Variants in TTN observed in about 807,000 individuals in gnomAD.
TTN encodes the protein titin.
Under a neutral mutation model 3,223.0 loss-of-function variants are expected in TTN, and 1,525 were observed. The observed-to-expected ratio is 0.47, with a 90% confidence interval of 0.45 to 0.49. The LOEUF (loss-of-function observed/expected upper bound fraction) is 0.49, where lower values mean the gene tolerates loss of function less well. Ranked by LOEUF, TTN falls within the 20% of genes least tolerant of loss-of-function variation. TTN has a pLI of 0.00. For missense variants in TTN, 40,786 were observed against 43,424.0 expected, an observed-to-expected ratio of 0.94 and a Z score of 5.40; for synonymous variants, 14,094 against 15,161.0, an observed-to-expected ratio of 0.93 and a Z score of 5.17.
intron 213 of TTN, among the ~76,000 whole-genome samples, chr2:178,647,998 T>C (rs1449293479): frequency 2.0e-5 from 3 of 152,082 alleles, no homozygotes; most frequent in Non-Finnish European, 4.4e-5. Flanking sequence ...TAAGTCTCCA[T>C]CTCTTTCAAA....
At chr2:178,605,330 G>C in intron 279 of TTN, 35 bp from the exon 280 acceptor site, 1 of 1,536,052 alleles carries the variant, frequency 6.5e-7, no homozygotes, top group Non-Finnish European at 8.7e-7. Flanking sequence ...CAGTAACAAA[G>C]TCATAAGGAT....
Position 178,607,420 on chromosome 2 carries a change from T to C in TTN, c.53268A>G (p.Ala17756=), listed in dbSNP as rs1325583009. 1.2e-6 allele frequency: 2 copies of C among 1,613,030 alleles called. No homozygotes were observed. The highest frequency in any genetic ancestry group is 1.7e-6 in the Non-Finnish European group (2 of 1,179,376). Residue 17756 remains alanine (A), a synonymous_variant, in exon 277 of 363, where the codon GCA becomes GCG. Transcript: ENST00000589042. ...ATNSCGSKFA[A]ARVEVFDVPG... ...CCTTACCAAAAACTTCTACCCTGGC[T>C]GCTGCAAATTTGGAACCACAGCTAT...
rs753951400 is a variant in TTN, at chr2:178,685,253, C to A, written c.32470G>T (p.Val10824Phe). Residue 10824 changes from valine (V) to phenylalanine (F), a missense_variant and splice_region_variant, in exon 129 of 363, where the codon GTT becomes TTT. Val to Phe is a conservative substitution (Grantham distance 50). Coordinates refer to ENST00000589042, the MANE Select transcript of TTN (RefSeq NM_001267550.2). ...TGCATTTCTTTGAAAGAAATCATACCTTTAGCCGGTGGAGGCTCCTCTATT... is the reference window on the plus strand; with the variant it reads ...TGCATTTCTTTGAAAGAAATCATACATTTAGCCGGTGGAGGCTCCTCTATT... Reference protein sequence around the residue: ...AKIEEPPPAKVPEAPKKIVPE... With the variant: ...AKIEEPPPAKFPEAPKKIVPE... The A allele has an allele frequency of 6.5e-6, 10 of 1,543,180 alleles. No homozygotes were observed. The Admixed American group carries it at 2.0e-4, about 31-fold the overall frequency.
At position 178,741,101 on chromosome 2, in the gene TTN, G is replaced by A. The variant is rs1309972074; in HGVS notation, c.12132C>T (p.Ser4044=). ...DMTDTPCKAK[S]TPEAPEDFPQ... ...GAAAATCCTCAGGAGCCTCTGGTGT[G>A]GACTTTGCTTTGCAGGGGGTATCAG... Residue 4044 remains serine (S), a synonymous_variant, in exon 48 of 363, where the codon TCC becomes TCT. Transcript: ENST00000589042. The A allele has an allele frequency of 3.1e-6, 5 of 1,613,812 alleles. No individual in the cohort carries two copies. The highest frequency in any genetic ancestry group is 4.2e-6 in the Non-Finnish European group (5 of 1,179,824).
intron 216 of TTN, 74 bp from the exon 217 acceptor site, chr2:178,646,104 T>TTTTATATATATATATATATATATATA (rs1188641505): frequency 2.7e-5 from 1 of 37,646 alleles, no homozygotes; most frequent in Admixed American, 4.6e-4. Flanking sequence ...TTAATAGAAA[T>TTTTATATATATATATATATATATATA]TATATATATA....
chr2:178,679,585 G>A lies in TTN; in HGVS notation c.33664+14C>T. ...TGAAGTCTCTTAGATACCCGTCAAT[G>A]AATGGTGGTGTACCTTTTGCCGGTG... On this transcript the variant is annotated intron_variant, in intron 141 of 362. Transcript: ENST00000589042. 1 of 1,607,710 alleles carries A rather than the reference G, an allele frequency of 6.2e-7. No homozygotes were observed. The highest frequency in any genetic ancestry group is 1.1e-5 in the South Asian group (1 of 89,462).
Position 178,684,739 on chromosome 2 carries a change from C to T in TTN, c.32565G>A (p.Glu10855=), listed in dbSNP as rs2070381643. Residue 10855 remains glutamate, a synonymous_variant, in exon 131 of 363, where the codon GAG becomes GAA. Coordinates refer to ENST00000589042, the MANE Select transcript of TTN (RefSeq NM_001267550.2). ...TTTTTTCTGGAACTGGTTTCTTTGG[C>T]TCTTCTGGCACTTAAAAGATACCAG... is the stretch of plus-strand genomic sequence containing the variant. ...EKVPPPKVPE[E]PKKPVPEKKV... is the part of the protein sequence containing the mutation. The T allele has an allele frequency of 1.2e-6, 2 of 1,613,344 alleles. No homozygotes were observed. The highest frequency in any genetic ancestry group is 1.7e-4 in the Middle Eastern group (1 of 6,060).
chr2:178,540,153 G>A lies in TTN; in HGVS notation c.98013C>T (p.Tyr32671=), dbSNP rs751799787. The change falls in exon 351 of 363, where the codon TAC becomes TAT. Residue 32671 remains tyrosine (Y), a synonymous_variant. Transcript: ENST00000589042. ...TLTHLPQGAE[Y]RFRVLACNAG... ...CATTACAAGCTAGGACGCGGAACCTGTATTCTGCACCCTGAGGTAGGTGTG... is the reference window on the plus strand; with the variant it reads ...CATTACAAGCTAGGACGCGGAACCTATATTCTGCACCCTGAGGTAGGTGTG... The A allele has an allele frequency of 1.2e-6, 2 of 1,613,792 alleles. No individual in the cohort carries two copies. Among genetic ancestry groups the A allele is most frequent in the Non-Finnish European group, 1.7e-6 (2 of 1,179,738 alleles).
rs758746632 is a variant in TTN, at chr2:178,678,747, C to T, written c.33826G>A (p.Val11276Met). Residue 11276 changes from valine to methionine, a missense_variant and splice_region_variant, in exon 143 of 363, where the codon GTG becomes ATG. By Grantham distance (21) the Val-to-Met change is conservative. Transcript: ENST00000589042. ...ATTGCAACATTGCAAGTTCATGTAC[C>T]TTTGGCAGGTGGAGCTTCCACCTTT... ...PKKVEAPPAK[V>M]PEVPKKPVPE... 2 of 1,600,364 alleles carry T rather than the reference C, an allele frequency of 1.2e-6. No individual in the cohort carries two copies. Among genetic ancestry groups the T allele is most frequent in the Non-Finnish European group, 1.7e-6 (2 of 1,175,416 alleles).
chr2:178,595,400 G>C, intron 295 of TTN, 107 bp downstream of exon 295: 1 of 1,089,138 alleles, frequency 9.2e-7, no homozygotes, highest in African/African-American at 1.6e-5. Flanking sequence ...ATAACTGCTT[G>C]TCAAGTGAAT....
Position 178,562,739 on chromosome 2 carries a change from A to G in TTN, c.83393T>C (p.Ile27798Thr). The change falls in exon 326 of 363, where the codon ATT (isoleucine) becomes ACT (threonine). Residue 27798 changes from isoleucine to threonine, a missense_variant. Coordinates refer to ENST00000589042, the MANE Select transcript of TTN (RefSeq NM_001267550.2). ...TCGTTTTTCGACAATGTAGTTTGTA[A>G]TCTTAGCTCCACCATCAATAAGTGG... ...EPPLIDGGAK[I>T]TNYIVEKRET... The G allele has an allele frequency of 6.2e-7, 1 of 1,610,206 alleles. No individual in the cohort carries two copies. The highest frequency in any genetic ancestry group is 8.5e-7 in the Non-Finnish European group (1 of 1,177,908).
chr2:178,780,297 G>C, intron 21 of TTN, 92 bp from the exon 22 acceptor site: 1 of 1,244,098 alleles, frequency 8.0e-7, no homozygotes. Context: ...ACTGGGGAAA[G>C]TTGATAACCA....
rs1278433479 is a variant in TTN, at chr2:178,707,811, G to T, written c.28756C>A (p.Pro9586Thr). 6.3e-7 allele frequency: 1 copy of T among 1,575,938 alleles called. No individual in the cohort carries two copies. Among genetic ancestry groups the T allele is most frequent in the Non-Finnish European group, 8.6e-7 (1 of 1,158,370 alleles). ...LCTSSIVIKE[P>T]KKPPVFDQHL... ...TGATCAAATACAGGTGGCTTCTTAG[G>T]TTCTGGAATTGAAAAGGTATTTTCA... The change falls in exon 100 of 363, where the codon CCT (proline) becomes ACT (threonine). Residue 9586 changes from proline to threonine, a missense_variant and splice_region_variant. By Grantham distance (38) the Pro-to-Thr change is conservative. Coordinates refer to ENST00000589042, the MANE Select transcript of TTN (RefSeq NM_001267550.2).
intron 121 of TTN, among the ~76,000 whole-genome samples, chr2:178,690,999 A>G (rs560434061): frequency 1.3e-5 from 2 of 152,256 alleles, no homozygotes; most frequent in South Asian, 4.1e-4. Flanking sequence ...AATGGATTTA[A>G]TTTATCTAAG....
Position 178,663,885 on chromosome 2 carries a change from C to G in TTN, c.36382G>C (p.Glu12128Gln). Residue 12128 changes from glutamate to glutamine, a missense_variant, in exon 170 of 363, where the codon GAG becomes CAG. Glu to Gln is a conservative substitution (Grantham distance 29). Coordinates refer to ENST00000589042, the MANE Select transcript of TTN (RefSeq NM_001267550.2). ...PPVKVPEASK[E>Q]VIREEKVPLA... Reference sequence around the variant, plus strand: ...GGCACTTTCTCTTCGCGGATAACCTCTTTGGAAGCTTCTGGCACTTGAAAG... The same window carrying G: ...GGCACTTTCTCTTCGCGGATAACCTGTTTGGAAGCTTCTGGCACTTGAAAG... 1 of 1,613,368 alleles carries G rather than the reference C, an allele frequency of 6.2e-7. No individual in the cohort carries two copies. The highest frequency in any genetic ancestry group is 2.2e-5 in the East Asian group (1 of 44,870).
At position 178,736,083 on chromosome 2, in the gene TTN, G is replaced by C; in HGVS notation, c.14372-9C>G. 1 of 1,542,662 alleles carries C rather than the reference G, an allele frequency of 6.5e-7. No homozygotes were observed. The highest frequency in any genetic ancestry group is 2.3e-5 in the East Asian group (1 of 44,238). The stretch of plus-strand genomic sequence containing the variant: ...GGTTGGTGGATATGCCTCTGCAAAA[G>C]AAATTTTTCCAGCATTACATTTAGT... On this transcript the variant is annotated splice_polypyrimidine_tract_variant and intron_variant, in intron 49 of 362. Coordinates refer to ENST00000589042, the MANE Select transcript of TTN (RefSeq NM_001267550.2).
Position 178,704,674 on chromosome 2 carries a change from G to A in TTN, c.29798C>T (p.Ser9933Leu), listed in dbSNP as rs764352461. ...CAGTTTTTCAGTTCCTTTGTACCACGAAAGCTTGATTTCTGGATAATTAAT... is the reference window on the plus strand; with the variant it reads ...CAGTTTTTCAGTTCCTTTGTACCACAAAAGCTTGATTTCTGGATAATTAAT... The part of the protein sequence containing the change: ...IKINYPEIKL[S>L]WYKGTEKLEP... Residue 9933 changes from serine to leucine, a missense_variant, in exon 105 of 363, where the codon TCG (serine) becomes TTG (leucine). Ser to Leu is a moderately radical substitution (Grantham distance 145). Transcript: ENST00000589042. 19 of 1,611,672 alleles carry A rather than the reference G, an allele frequency of 1.2e-5. No individual in the cohort carries two copies. The African/African-American group carries it at 1.2e-4, about 10-fold the overall frequency.
Position 178,570,782 on chromosome 2 carries a change from T to C in TTN, c.75350A>G (p.Tyr25117Cys), listed in dbSNP as rs1559394408. 1 of 1,613,606 alleles carries C rather than the reference T, an allele frequency of 6.2e-7. No homozygotes were observed. Among genetic ancestry groups the C allele is most frequent in the Non-Finnish European group, 8.5e-7 (1 of 1,179,612 alleles). ...AGCATGAACCACGATTGTGTCTTTG[T>C]ATTTTGGATCCATACTTATTCGTGG... ...DPPRISMDPK[Y>C]KDTIVVHAGE... Residue 25117 changes from tyrosine (Y) to cysteine (C), a missense_variant, in exon 326 of 363, where the codon TAC (tyrosine) becomes TGC (cysteine). Transcript: ENST00000589042.
intron 1 of TTN, among the ~76,000 whole-genome samples, chr2:178,805,840 T>C (rs554878326): frequency 6.6e-6 from 1 of 152,210 alleles, no homozygotes; most frequent in African/African-American, 2.4e-5. Flanking sequence ...AAGTAAAATA[T>C]TCAACATCAA....
Sources: gnomAD v4.1 joint callset for allele counts (sites outside exome capture counted in the v4.1 genomes callset) on GRCh38, gnomAD v4.1.1 for gene constraint, MANE v1.5 for transcripts, NCBI Gene and HGNC (gene_info 2026-07-23, HGNC 2026-07-21) for gene names.